Variants in VWA8 observed in about 807,000 individuals in gnomAD.
VWA8 encodes von Willebrand factor A domain-containing protein 8.
VWA8 carries 221 observed loss-of-function variants against 241.5 expected under a neutral mutation model. The ratio of observed to expected loss-of-function variants is 0.91; its 90% CI spans 0.82 to 1.02. The LOEUF is 1.02. VWA8 is among the 50% of genes least tolerant of loss of function. The pLI, the probability that VWA8 is intolerant of heterozygous loss-of-function variation, is 0.00. For missense variants in VWA8, 2,322 were observed against 2,328.7 expected (o/e 1.00, Z 0.06); for synonymous variants, 852 against 827.1 (o/e 1.03, Z -0.52).
intron 42 of VWA8, among the ~76,000 whole-genome samples, chr13:41,576,349 TG>T (rs1230697881): frequency 6.6e-6 from 1 of 152,232 alleles, no homozygotes; most frequent in African/African-American, 2.4e-5. Context: ...CCCTTGCATG[TG>T]GGCTACATTC....
At chr13:41,756,979 T>C (rs553385561) in intron 21 of VWA8, among the ~76,000 whole-genome samples, 4 of 151,858 alleles carry the variant, frequency 2.6e-5, no homozygotes, top group Non-Finnish European at 5.9e-5. Context: ...AAAATATTGG[T>C]CTTGCTATGT....
chr13:41,628,618 G>GT (rs949544815), intron 37 of VWA8, among the ~76,000 whole-genome samples: 3 of 152,112 alleles, frequency 2.0e-5, no homozygotes, highest in Non-Finnish European at 2.9e-5. Flanking sequence ...ATAAAATCAT[G>GT]TTTTTTGCAG....
At chr13:41,582,191 C>A (rs564698416) in intron 42 of VWA8, among the ~76,000 whole-genome samples, 2 of 152,232 alleles carry the variant, frequency 1.3e-5, no homozygotes, top group South Asian at 4.2e-4. Flanking sequence ...ATGTGTCTTG[C>A]CACTGAATTA....
intron 37 of VWA8, among the ~76,000 whole-genome samples, chr13:41,631,270 T>A (rs2044725093): frequency 6.6e-6 from 1 of 152,180 alleles, no homozygotes; most frequent in African/African-American, 2.4e-5. Context: ...TCCTCCCACC[T>A]AAGCCTCCCA....
intron 14 of VWA8, among the ~76,000 whole-genome samples, chr13:41,824,838 GAA>G (rs149597138): frequency 2.7e-5 from 3 of 109,998 alleles, no homozygotes; most frequent in Non-Finnish European, 5.6e-5. Context: ...AACAGAAAAA[GAA>G]AAAAAAAAGA....
At chr13:41,915,952 A>T (rs1171264831) in intron 2 of VWA8, among the ~76,000 whole-genome samples, 1 of 152,214 alleles carries the variant, frequency 6.6e-6, no homozygotes, top group African/African-American at 2.4e-5. Context: ...TTTTTCACAT[A>T]GGATCTCATA....
At chr13:41,726,323 T>C (rs2045433254) in intron 24 of VWA8, among the ~76,000 whole-genome samples, 2 of 152,226 alleles carry the variant, frequency 1.3e-5, no homozygotes, top group Non-Finnish European at 2.9e-5. Flanking sequence ...GTAAATTCCT[T>C]GGATAAATTC....
chr13:41,682,136 CA>C (rs2045103885), intron 35 of VWA8, among the ~76,000 whole-genome samples: 1 of 152,088 alleles, frequency 6.6e-6, no homozygotes, highest in Non-Finnish European at 1.5e-5. Context: ...AGCTATAAAG[CA>C]ATCAAGAGAG....
chr13:41,900,294 T>C (rs1216427627), intron 4 of VWA8, among the ~76,000 whole-genome samples: 1 of 152,102 alleles, frequency 6.6e-6, no homozygotes, highest in Non-Finnish European at 1.5e-5. Flanking sequence ...AATATATGTA[T>C]TTTTTTAATG....
At chr13:41,615,157 T>C in intron 37 of VWA8, 73 bp from the exon 38 acceptor site, 1 of 1,466,994 alleles carries the variant, frequency 6.8e-7, no homozygotes. Context: ...GAAAAAAAAA[T>C]TATTTTCTCC....
At chr13:41,936,319 A>G (rs1454910356) in intron 2 of VWA8, among the ~76,000 whole-genome samples, 2 of 152,132 alleles carry the variant, frequency 1.3e-5, no homozygotes, top group African/African-American at 4.8e-5. Flanking sequence ...TTTATTGTTC[A>G]TTTGAATTTC....
At chr13:41,845,764 A>G (rs557708037) in intron 12 of VWA8, among the ~76,000 whole-genome samples, 1 of 152,168 alleles carries the variant, frequency 6.6e-6, no homozygotes, top group Non-Finnish European at 1.5e-5. Flanking sequence ...CACCCACTCA[A>G]GTGGGATCTA....
At chr13:41,573,274 C>A (rs1010452213) in intron 43 of VWA8, among the ~76,000 whole-genome samples, 1 of 150,462 alleles carries the variant, frequency 6.6e-6, no homozygotes, top group African/African-American at 2.4e-5. Context: ...AAAAATTGGC[C>A]GGGCATGGTG....
At chr13:41,617,244 A>C (rs550002542) in intron 37 of VWA8, among the ~76,000 whole-genome samples, 1 of 152,034 alleles carries the variant, frequency 6.6e-6, no homozygotes, top group Non-Finnish European at 1.5e-5. Flanking sequence ...TCAGCCTCCC[A>C]AGTAGCTGGG....
chr13:41,570,751 C>G (rs565729998), intron 43 of VWA8, 45 bp from the exon 44 acceptor site: 1 of 1,546,918 alleles, frequency 6.5e-7, no homozygotes, highest in Non-Finnish European at 8.9e-7. Context: ...TGAGAAACTT[C>G]TTTTTTAACA....
At chr13:41,932,882 C>A (rs549557044) in intron 2 of VWA8, among the ~76,000 whole-genome samples, 82 of 151,886 alleles carry the variant, frequency 5.4e-4, no homozygotes, top group African/African-American at 1.8e-3. Flanking sequence ...GACTAAAAAC[C>A]CTTTCCCCCA....
intron 26 of VWA8, among the ~76,000 whole-genome samples, chr13:41,709,773 T>C (rs74375530): frequency 5.7e-4 from 83 of 145,994 alleles, no homozygotes; most frequent in African/African-American, 5.0e-4. Context: ...CTCTCTCTCT[T>C]TTTTTTTTTT....
intron 17 of VWA8, among the ~76,000 whole-genome samples, chr13:41,803,004 G>C (rs894554426): frequency 6.6e-6 from 1 of 152,250 alleles, no homozygotes; most frequent in Non-Finnish European, 1.5e-5. Flanking sequence ...TAAGTGAAGA[G>C]AGCAAGAGTC....
chr13:41,911,017 T>C (rs186286215), intron 3 of VWA8, among the ~76,000 whole-genome samples: 1 of 152,144 alleles, frequency 6.6e-6, no homozygotes, highest in East Asian at 1.9e-4. Context: ...GGGTAATGCC[T>C]ACCAATACTG....
Sources: gnomAD v4.1 joint callset for allele counts (sites outside exome capture counted in the v4.1 genomes callset) on GRCh38, gnomAD v4.1.1 for gene constraint, MANE v1.5 for transcripts, NCBI Gene and HGNC (gene_info 2026-07-23, HGNC 2026-07-21) for gene names.